Variants in SDK1 observed in about 807,000 individuals in gnomAD.
SDK1 encodes the protein protein sidekick-1.
A neutral mutation model predicts 245.5 loss-of-function variants in SDK1; 157 were observed. That is an observed-to-expected ratio of 0.64 (90% confidence interval 0.56 to 0.73). The LOEUF (loss-of-function observed/expected upper bound fraction) is 0.73, where lower values mean the gene tolerates loss of function less well. SDK1 is among the 30% of genes least tolerant of loss of function. SDK1 has a pLI of 0.00. For synonymous variants in SDK1, 1,647 were observed against 1,278.5 expected, an observed-to-expected ratio of 1.29 and a Z score of -6.15; for missense variants, 3,583 against 3,002.3, an observed-to-expected ratio of 1.19 and a Z score of -4.52.
rs192182312 is a variant in SDK1 at position 3,679,620 on chromosome 7, A to G, written c.713+37515A>G. On this transcript the variant is annotated intron_variant, in intron 4 of 44. Coordinates refer to ENST00000404826, the MANE Select transcript of SDK1 (RefSeq NM_152744.4). ...ATTAATAGACATTTCATGGAAGAGGATATACAGATGTCAAACAGGTATATG... is the reference window on the plus strand; with the variant it reads ...ATTAATAGACATTTCATGGAAGAGGGTATACAGATGTCAAACAGGTATATG... Among the ~76,000 whole-genome samples the G allele has an allele frequency of 5.3e-5, 8 of 152,346 alleles. 1 individual carries two copies. In the East Asian group the frequency reaches 1.4e-3, roughly 26 times the overall value.
intron 4 of SDK1, among the ~76,000 whole-genome samples, chr7:3,722,149 G>C (rs546179310): frequency 6.6e-6 from 1 of 152,186 alleles, no homozygotes; most frequent in African/African-American, 2.4e-5. Flanking sequence ...CAAAGTGCTG[G>C]AATTACAGAT....
chr7:3,889,937 G>A (rs962692885), intron 5 of SDK1, among the ~76,000 whole-genome samples: 15 of 152,220 alleles, frequency 9.9e-5, no homozygotes, highest in Non-Finnish European at 1.8e-4. Flanking sequence ...GAAACTCCCC[G>A]CTCCTCCTCC....
At chr7:3,773,047 A>T (rs76402092) in intron 4 of SDK1, among the ~76,000 whole-genome samples, 2,907 of 152,254 alleles carry the variant, frequency 0.019, 55 homozygotes, top group Non-Finnish European at 0.03. Context: ...CTACTTAGAG[A>T]TTGTTAAACT....
rs551717769 is a variant in SDK1 at position 3,962,088 on chromosome 7, TAC to T, written c.1235-561_1235-560del. ...TCGCATGAACACATGCACATACATA[TAC>T]ACACACATGCACAGACACACAAACA... On this transcript the variant is annotated intron_variant, in intron 8 of 44. Transcript: ENST00000404826. Among the ~76,000 whole-genome samples the T allele has an allele frequency of 9.2e-5, 14 of 152,208 alleles. No homozygotes were observed. In the South Asian group the frequency reaches 2.9e-3, roughly 32 times the overall value.
intron 28 of SDK1, among the ~76,000 whole-genome samples, chr7:4,143,514 G>A (rs919184052): frequency 2.0e-5 from 3 of 152,178 alleles, no homozygotes; most frequent in African/African-American, 7.2e-5. Context: ...GCAAACTGAG[G>A]CTGGGAGAGG....
At chr7:3,602,318 TCCA>T (rs1219823505) in intron 1 of SDK1, among the ~76,000 whole-genome samples, 1 of 151,188 alleles carries the variant, frequency 6.6e-6, no homozygotes, top group Non-Finnish European at 1.5e-5. Flanking sequence ...TTCCTATTTC[TCCA>T]CATCCTCTCC....
intron 5 of SDK1, among the ~76,000 whole-genome samples, chr7:3,851,934 A>G (rs945701382): frequency 6.6e-6 from 1 of 152,252 alleles, no homozygotes; most frequent in African/African-American, 2.4e-5. Flanking sequence ...TGTGTGCTTA[A>G]TAGGAAAAAT....
At chr7:4,233,442 G>A (rs763363124) in intron 41 of SDK1, 23 bp downstream of exon 41, 2 of 1,605,142 alleles carry the variant, frequency 1.2e-6, no homozygotes, top group Admixed American at 3.3e-5. Flanking sequence ...AGGGAGGTCT[G>A]TCTTCTTCTG....
At chr7:3,938,263 AC>A (rs1780230281) in intron 5 of SDK1, among the ~76,000 whole-genome samples, 1 of 152,204 alleles carries the variant, frequency 6.6e-6, no homozygotes, top group African/African-American at 2.4e-5. Context: ...CCCTTGGTCC[AC>A]TGAAAAGACT....
intron 44 of SDK1, among the ~76,000 whole-genome samples, chr7:4,261,913 C>G (rs1788039311): frequency 6.6e-6 from 1 of 151,734 alleles, no homozygotes; most frequent in South Asian, 2.1e-4. Flanking sequence ...GGTGAGGGTC[C>G]CAGGATGCTT....
chr7:3,512,128 C>T (rs1219709666), intron 1 of SDK1, among the ~76,000 whole-genome samples: 1 of 151,842 alleles, frequency 6.6e-6, no homozygotes, highest in African/African-American at 2.4e-5. Flanking sequence ...TTATCTCTTC[C>T]CTCTAACCCC....
chr7:3,842,522 G>A (rs1052266570), intron 5 of SDK1, among the ~76,000 whole-genome samples: 3 of 152,126 alleles, frequency 2.0e-5, no homozygotes, highest in African/African-American at 7.2e-5. Context: ...CAGTGACCAC[G>A]AGGTGCCTGG....
chr7:3,771,179 G>T (rs1231244451), intron 4 of SDK1, among the ~76,000 whole-genome samples: 1 of 152,050 alleles, frequency 6.6e-6, no homozygotes, highest in African/African-American at 2.4e-5. Flanking sequence ...TCTTCTCTCT[G>T]TGGTCTCTGA....
intron 25 of SDK1, among the ~76,000 whole-genome samples, chr7:4,117,675 T>G (rs557242556): frequency 1.9e-4 from 29 of 152,178 alleles, no homozygotes; most frequent in Non-Finnish European, 2.9e-4. Flanking sequence ...ACCCTGGTCC[T>G]GGGCCCAGCA....
At chr7:3,329,263 T>C (rs1486616435) in intron 1 of SDK1, among the ~76,000 whole-genome samples, 1 of 152,166 alleles carries the variant, frequency 6.6e-6, no homozygotes, top group Non-Finnish European at 1.5e-5. Context: ...GAGGCACTCT[T>C]TGATGACTCT....
chr7:3,833,987 G>T (rs6978964), intron 5 of SDK1, among the ~76,000 whole-genome samples: 50,352 of 152,038 alleles, frequency 0.33, 11,604 homozygotes, highest in African/African-American at 0.65. Flanking sequence ...TGTTACTACA[G>T]ATTTTGAATA....
intron 1 of SDK1, among the ~76,000 whole-genome samples, chr7:3,588,933 T>C (rs2614966): frequency 0.34 from 51,305 of 152,108 alleles, 9,012 homozygotes; most frequent in South Asian, 0.47. Context: ...AAAGTTGTTA[T>C]ATACTACAAA....
intron 13 of SDK1, among the ~76,000 whole-genome samples, chr7:3,984,520 C>G (rs529585582): frequency 6.6e-6 from 1 of 152,310 alleles, no homozygotes; most frequent in Non-Finnish European, 1.5e-5. Flanking sequence ...GACACAGCAG[C>G]TTGTCAGGGG....
rs569400563 is a variant in SDK1, at chr7:3,347,521, C to T, written c.298+45637C>T. 7.9e-5 allele frequency among the ~76,000 whole-genome samples: 12 copies of T among 152,204 alleles called. No individual in the cohort carries two copies. The East Asian group carries it at 1.7e-3, about 22-fold the overall frequency. On this transcript the variant is annotated intron_variant, in intron 1 of 44. Coordinates refer to ENST00000404826, the MANE Select transcript of SDK1 (RefSeq NM_152744.4). ...CCCTAGCCATTGGGCTCAAATGTGC[C>T]GTTGAAGGTGATTTTCTGTTCCTAG...
Sources: allele counts gnomAD v4.1 joint callset (sites outside exome capture counted in the v4.1 genomes callset), GRCh38; gene constraint gnomAD v4.1.1; transcripts MANE v1.5; gene names NCBI Gene and HGNC (gene_info 2026-07-23, HGNC 2026-07-21).